The following LRRC37A2 variants were observed in gnomAD, a reference collection of about 807,000 sequenced individuals.
The protein encoded by LRRC37A2 is leucine-rich repeat-containing protein 37A2.
Under a neutral mutation model 68.8 loss-of-function variants are expected in LRRC37A2, and 9 were observed. The observed-to-expected ratio is 0.13, with a 90% CI of 0.08 to 0.23. The LOEUF (loss-of-function observed/expected upper bound fraction) is 0.23. LRRC37A2 is among the 10% of genes least tolerant of loss of function. LRRC37A2 has a pLI of 1.00. For missense variants in LRRC37A2, 168 were observed against 950.4 expected (o/e 0.18, Z 10.82); for synonymous variants, 63 against 367.6 (o/e 0.17, Z 9.48).
the LRRC37A2 span, chr17:47,033,236 A>G: frequency 1.8e-6 from 1 of 570,480 alleles, no homozygotes; most frequent in Non-Finnish European, 3.1e-6. Flanking sequence ...AAAAAAAAAA[A>G]AAAAAAAAAA....
At chr17:46,881,589 T>C in the LRRC37A2 span, among the ~76,000 whole-genome samples, 2 of 152,182 alleles carry the variant, frequency 1.3e-5, no homozygotes, top group African/African-American at 4.8e-5. Flanking sequence ...CACCTCCTCC[T>C]GCCCTCATCT....
the LRRC37A2 span, among the ~76,000 whole-genome samples, chr17:46,716,214 C>T: frequency 2.0e-5 from 3 of 150,594 alleles, no homozygotes; most frequent in African/African-American, 7.3e-5. Context: ...AAATGTCATT[C>T]TTTAGTATAA....
At chr17:47,014,485 A>C in the LRRC37A2 span, among the ~76,000 whole-genome samples, 5 of 152,102 alleles carry the variant, frequency 3.3e-5, no homozygotes. Flanking sequence ...CAGAATTTGG[A>C]GGATAATTTG....
chr17:46,966,416 T>C, the LRRC37A2 span: 1 of 568,536 alleles, frequency 1.8e-6, no homozygotes, highest in East Asian at 3.0e-5. Context: ...TTGTGACTTA[T>C]TTAGTGGCAC....
the LRRC37A2 span, among the ~76,000 whole-genome samples, chr17:46,862,181 AAAAAGAAAAAG>A: frequency 6.6e-6 from 1 of 151,172 alleles, no homozygotes; most frequent in South Asian, 2.1e-4. Flanking sequence ...AAAAAAAAAG[AAAAAGAAAAAG>A]AAAAGGGAAA....
chr17:46,791,177 G>A, the LRRC37A2 span, among the ~76,000 whole-genome samples: 1 of 151,352 alleles, frequency 6.6e-6, no homozygotes, highest in South Asian at 2.1e-4. Context: ...CTTGCCTGCA[G>A]CTACATTTCC....
chr17:46,485,975 CT>C, the LRRC37A2 span, among the ~76,000 whole-genome samples: 2 of 32,378 alleles, frequency 6.2e-5, no homozygotes, highest in Non-Finnish European at 2.2e-4. Flanking sequence ...GAGACTCCGT[CT>C]CAAAAAAAAA....
the LRRC37A2 span, chr17:46,932,244 G>C: frequency 6.2e-7 from 1 of 1,610,814 alleles, no homozygotes; most frequent in Admixed American, 1.7e-5. Context: ...TTGACAGATC[G>C]TGGGGGCTGG....
chr17:46,857,713 T>C, the LRRC37A2 span, among the ~76,000 whole-genome samples: 1 of 152,200 alleles, frequency 6.6e-6, no homozygotes, highest in Non-Finnish European at 1.5e-5. Flanking sequence ...GAGTTCCAGT[T>C]GCTCCATATT....
chr17:46,708,454 A>G, the LRRC37A2 span, among the ~76,000 whole-genome samples: 1 of 148,556 alleles, frequency 6.7e-6, no homozygotes, highest in African/African-American at 2.5e-5. Context: ...GGTGATAAGT[A>G]TCTTTTCATA....
the LRRC37A2 span, among the ~76,000 whole-genome samples, chr17:46,738,154 A>G: frequency 6.6e-6 from 1 of 152,008 alleles, no homozygotes; most frequent in Non-Finnish European, 1.5e-5. Context: ...GGCTGGTCTC[A>G]AACTCCTGGG....
At chr17:46,893,722 G>C in the LRRC37A2 span, among the ~76,000 whole-genome samples, 1 of 152,108 alleles carries the variant, frequency 6.6e-6, no homozygotes, top group African/African-American at 2.4e-5. Context: ...AAACAAACTG[G>C]AAGGCTCTGG....
At chr17:46,949,251 C>T in the LRRC37A2 span, 2 of 152,216 alleles carry the variant, frequency 1.3e-5, no homozygotes, top group African/African-American at 2.4e-5. Flanking sequence ...CACACAATGT[C>T]GCTGAGCCCT....
At chr17:46,970,794 G>A in the LRRC37A2 span, among the ~76,000 whole-genome samples, 1 of 152,208 alleles carries the variant, frequency 6.6e-6, no homozygotes, top group Admixed American at 6.5e-5. Context: ...GGCTTATGTG[G>A]ATATTAGTTA....
At chr17:46,456,207 G>GAT in the LRRC37A2 span, among the ~76,000 whole-genome samples, 1 of 100,312 alleles carries the variant, frequency 1.0e-5, no homozygotes. Flanking sequence ...TATTCCATGG[G>GAT]ATATGTGTGT....
chr17:46,968,383 A>G, the LRRC37A2 span, among the ~76,000 whole-genome samples: 1 of 152,128 alleles, frequency 6.6e-6, no homozygotes, highest in Admixed American at 6.5e-5. Flanking sequence ...CTCTGCCCCA[A>G]CCCACTGAAT....
the LRRC37A2 span, among the ~76,000 whole-genome samples, chr17:46,676,319 G>A: frequency 1.2e-3 from 154 of 132,328 alleles, 5 homozygotes; most frequent in East Asian, 0.031. Flanking sequence ...CACAACCTCC[G>A]CCTCCCAGGT....
At chr17:46,898,404 G>A in the LRRC37A2 span, among the ~76,000 whole-genome samples, 17 of 152,314 alleles carry the variant, frequency 1.1e-4, no homozygotes, top group African/African-American at 3.6e-4. Context: ...CTACCCCAAG[G>A]GTTTCCATTG....
chr17:46,915,453 G>C, the LRRC37A2 span, among the ~76,000 whole-genome samples: 1 of 152,156 alleles, frequency 6.6e-6, no homozygotes, highest in South Asian at 2.1e-4. Flanking sequence ...ATATTCTGTT[G>C]GTCCAGGAAG....
Sources: allele counts gnomAD v4.1 joint callset (sites outside exome capture counted in the v4.1 genomes callset), GRCh38; gene constraint gnomAD v4.1.1; transcripts MANE v1.5; gene names NCBI Gene and HGNC (gene_info 2026-07-23, HGNC 2026-07-21).